CCDC178: variants seen among roughly 807,000 people sequenced by gnomAD.
CCDC178 encodes the protein coiled-coil domain containing 178, also known as coiled-coil domain-containing protein 178.
Under a neutral mutation model 117.4 loss-of-function variants are expected in CCDC178, and 126 were observed. The observed-to-expected ratio is 1.07, with a 90% CI of 0.93 to 1.24. CCDC178 has a LOEUF of 1.24. Among genes scored for constraint, CCDC178 ranks in the 50% most tolerant of loss-of-function variants. The pLI, the probability that CCDC178 is intolerant of heterozygous loss-of-function variation, is 0.00. For missense variants in CCDC178, 1,030 were observed against 986.9 expected, an observed-to-expected ratio of 1.04 and a Z score of -0.59; for synonymous variants, 283 against 313.4, an observed-to-expected ratio of 0.90 and a Z score of 1.02.
chr18:32,944,612 T>C (rs1282761218), intron 22 of CCDC178, among the ~76,000 whole-genome samples: 1 of 152,216 alleles, frequency 6.6e-6, no homozygotes, highest in Non-Finnish European at 1.5e-5. Context: ...GTAGGCACCA[T>C]CTTCATAACC....
At chr18:33,093,892 AATG>A (rs1316190634) in intron 20 of CCDC178, among the ~76,000 whole-genome samples, 7 of 152,118 alleles carry the variant, frequency 4.6e-5, no homozygotes, top group Non-Finnish European at 8.8e-5. Context: ...TGATGACGAT[AATG>A]ATGATTCAAT....
intron 5 of CCDC178, among the ~76,000 whole-genome samples, chr18:33,373,205 T>C (rs984697229): frequency 9.9e-5 from 15 of 152,142 alleles, no homozygotes; most frequent in African/African-American, 3.4e-4. Context: ...CCTTAAACTG[T>C]TGGAGACACT....
At chr18:33,218,483 T>C (rs1474125677) in intron 18 of CCDC178, among the ~76,000 whole-genome samples, 1 of 152,186 alleles carries the variant, frequency 6.6e-6, no homozygotes, top group Non-Finnish European at 1.5e-5. Flanking sequence ...ATTTTGGCTT[T>C]TGTTGCCATT....
rs535741952 is a variant in CCDC178, at chr18:33,011,682, T to G, written c.2389-37001A>C. Among the ~76,000 whole-genome samples, 7 of 148,672 alleles carry G rather than the reference T, an allele frequency of 4.7e-5. No homozygotes were observed. The South Asian group carries it at 1.1e-3, about 23-fold the overall frequency. Reference sequence around the variant, plus strand: ...CTGCACGTAAACTCTGTTTCAGTATTTCAAAACAGCTCCTTGCAAAGAGAA... The same window carrying G: ...CTGCACGTAAACTCTGTTTCAGTATGTCAAAACAGCTCCTTGCAAAGAGAA... On this transcript the variant is annotated intron_variant, in intron 21 of 22. Coordinates refer to ENST00000383096, the MANE Select transcript of CCDC178 (RefSeq NM_001105528.4).
At chr18:33,380,533 G>C (rs1193308669) in intron 5 of CCDC178, among the ~76,000 whole-genome samples, 1 of 152,140 alleles carries the variant, frequency 6.6e-6, no homozygotes, top group Non-Finnish European at 1.5e-5. Context: ...TCCAGGGCTT[G>C]GGGGAAACAA....
chr18:33,289,032 C>T (rs1234194411), intron 12 of CCDC178, among the ~76,000 whole-genome samples: 1 of 152,036 alleles, frequency 6.6e-6, no homozygotes, highest in Non-Finnish European at 1.5e-5. Flanking sequence ...TCATCAATGC[C>T]ATTTCCTCCT....
intron 21 of CCDC178, among the ~76,000 whole-genome samples, chr18:33,018,697 T>C: frequency 6.6e-6 from 1 of 152,068 alleles, no homozygotes; most frequent in East Asian, 1.9e-4. Flanking sequence ...TAGGCAAATC[T>C]ATAGACACAG....
chr18:33,173,026 T>A (rs1240473116), intron 20 of CCDC178, among the ~76,000 whole-genome samples: 2 of 152,152 alleles, frequency 1.3e-5, no homozygotes, highest in Non-Finnish European at 2.9e-5. Context: ...ATAAAATCCT[T>A]GCAATATTTT....
chr18:32,938,911 T>C (rs573274692), intron 22 of CCDC178, among the ~76,000 whole-genome samples: 4 of 152,300 alleles, frequency 2.6e-5, no homozygotes, highest in South Asian at 2.1e-4. Context: ...TGTGCTCTGA[T>C]TTTCAATATT....
chr18:33,397,829 C>T (rs2063659340), intron 3 of CCDC178, among the ~76,000 whole-genome samples: 1 of 151,922 alleles, frequency 6.6e-6, no homozygotes, highest in Non-Finnish European at 1.5e-5. Context: ...AAAGACATAT[C>T]ATTATAGTTA....
intron 21 of CCDC178, among the ~76,000 whole-genome samples, chr18:33,061,996 G>A (rs142939044): frequency 1.3e-5 from 2 of 152,100 alleles, no homozygotes; most frequent in African/African-American, 2.4e-5. Flanking sequence ...AAAAGTAATC[G>A]GATTTATTTT....
intron 12 of CCDC178, among the ~76,000 whole-genome samples, chr18:33,271,336 C>T (rs1001789008): frequency 2.0e-5 from 3 of 151,320 alleles, no homozygotes; most frequent in Admixed American, 1.3e-4. Context: ...CTATCATATA[C>T]GGTTCACAAA....
At chr18:33,179,124 ATATAAAC>A (rs1297669173) in intron 20 of CCDC178, among the ~76,000 whole-genome samples, 21 of 106,106 alleles carry the variant, frequency 2.0e-4, no homozygotes, top group Non-Finnish European at 4.2e-4. Flanking sequence ...ATATATATAT[ATATAAAC>A]TATATATATA....
chr18:33,332,915 GC>G (rs953441408), intron 10 of CCDC178, among the ~76,000 whole-genome samples: 3 of 152,032 alleles, frequency 2.0e-5, no homozygotes, highest in African/African-American at 7.2e-5. Context: ...ACCACACCCA[GC>G]CTTACCTGGC....
intron 2 of CCDC178, among the ~76,000 whole-genome samples, chr18:33,418,116 T>C (rs961994211): frequency 1.3e-5 from 2 of 152,112 alleles, no homozygotes; most frequent in African/African-American, 2.4e-5. Flanking sequence ...GCAAACCAAA[T>C]TCAACAGCAC....
At chr18:33,301,763 T>C (rs1460502535) in intron 11 of CCDC178, among the ~76,000 whole-genome samples, 7 of 152,228 alleles carry the variant, frequency 4.6e-5, no homozygotes, top group Admixed American at 3.3e-4. Flanking sequence ...CCAGTGCCTA[T>C]ACTACCATTG....
At chr18:33,242,058 A>G (rs967294400) in intron 15 of CCDC178, among the ~76,000 whole-genome samples, 12 of 152,022 alleles carry the variant, frequency 7.9e-5, no homozygotes, top group African/African-American at 2.2e-4. Context: ...GTACTGGCAT[A>G]AAAACAGTCA....
chr18:32,947,728 A>T (rs2054388516), intron 22 of CCDC178, among the ~76,000 whole-genome samples: 1 of 152,086 alleles, frequency 6.6e-6, no homozygotes, highest in Admixed American at 6.5e-5. Flanking sequence ...ATAAAATCCA[A>T]TTTATTATTT....
At chr18:33,108,353 GAATTAT>G (rs1296288220) in intron 20 of CCDC178, among the ~76,000 whole-genome samples, 1 of 151,456 alleles carries the variant, frequency 6.6e-6, no homozygotes, top group Non-Finnish European at 1.5e-5. Flanking sequence ...ATGTTTTGCA[GAATTAT>G]ATTTTCAGGA....
Sources: gnomAD v4.1 joint callset for allele counts (sites outside exome capture counted in the v4.1 genomes callset) on GRCh38, gnomAD v4.1.1 for gene constraint, MANE v1.5 for transcripts, NCBI Gene and HGNC (gene_info 2026-07-23, HGNC 2026-07-21) for gene names.